The following SMYD3 variants were observed in gnomAD, a reference collection of about 807,000 sequenced individuals.
The protein encoded by SMYD3 is histone-lysine N-methyltransferase SMYD3.
In SMYD3, 36 loss-of-function variants were observed where a neutral mutation model predicts 57.7. The observed-to-expected ratio is 0.62, with a 90% CI of 0.48 to 0.82. The LOEUF is 0.82. Among genes scored for constraint, SMYD3 ranks in the 40% least tolerant of loss-of-function variants. The pLI is 0.00. For missense variants in SMYD3, 515 were observed against 538.8 expected, an observed-to-expected ratio of 0.96 and a Z score of 0.44; for synonymous variants, 211 against 195.0, an observed-to-expected ratio of 1.08 and a Z score of -0.68.
intron 5 of SMYD3, among the ~76,000 whole-genome samples, chr1:246,102,930 G>A (rs2061045097): frequency 6.6e-6 from 1 of 152,036 alleles, no homozygotes; most frequent in South Asian, 2.1e-4. Context: ...TGACATTCAT[G>A]GCCCCACATT....
At chr1:246,378,742 T>TATAATATATTATATATAA (rs2066326009) in intron 1 of SMYD3, among the ~76,000 whole-genome samples, 1 of 102,138 alleles carries the variant, frequency 9.8e-6, no homozygotes, top group African/African-American at 3.9e-5. Context: ...TTATATATAA[T>TATAATATATTATATATAA]TATATATAAT....
rs548310727 is a variant in SMYD3, at chr1:246,440,947, T to C, written c.164+66107A>G. ...TCAGTGCCATGTGTGTAAGACTATA[T>C]ATGCCTACTGCTTGGTTGAAGGCCA... is the stretch of plus-strand genomic sequence containing the variant. On this transcript the variant is annotated intron_variant, in intron 1 of 11. Transcript: ENST00000490107. Among the ~76,000 whole-genome samples the C allele has an allele frequency of 1.8e-4, 28 of 152,284 alleles. No individual in the cohort carries two copies. The East Asian group carries it at 4.8e-3, about 26-fold the overall frequency.
chr1:246,018,416 G>A (rs1258063957), intron 5 of SMYD3, among the ~76,000 whole-genome samples: 2 of 152,200 alleles, frequency 1.3e-5, no homozygotes, highest in African/African-American at 4.8e-5. Flanking sequence ...ACGCTCCACA[G>A]TCAAGGCACT....
intron 8 of SMYD3, among the ~76,000 whole-genome samples, chr1:245,895,563 TC>T (rs2053716711): frequency 6.6e-6 from 1 of 152,210 alleles, no homozygotes; most frequent in Non-Finnish European, 1.5e-5. Flanking sequence ...TCAAATAGAC[TC>T]AGTACCATAA....
intron 11 of SMYD3, among the ~76,000 whole-genome samples, chr1:245,754,685 G>C (rs1050076097): frequency 1.3e-5 from 2 of 152,232 alleles, no homozygotes; most frequent in Non-Finnish European, 2.9e-5. Flanking sequence ...ATAACTTCAA[G>C]TGTGTATTCC....
chr1:246,193,942 A>G (rs750577322), intron 5 of SMYD3, among the ~76,000 whole-genome samples: 6 of 152,166 alleles, frequency 3.9e-5, no homozygotes, highest in Admixed American at 6.5e-5. Flanking sequence ...AGCATTCTAA[A>G]TCATGTTCAC....
chr1:246,048,051 C>T (rs1395234355), intron 5 of SMYD3, among the ~76,000 whole-genome samples: 1 of 151,850 alleles, frequency 6.6e-6, no homozygotes. Context: ...GTTGATGTCA[C>T]AAAGAACACC....
intron 2 of SMYD3, among the ~76,000 whole-genome samples, chr1:246,344,904 C>T (rs1267548881): frequency 2.0e-5 from 3 of 152,092 alleles, no homozygotes; most frequent in African/African-American, 7.2e-5. Context: ...AGTTTTCTTA[C>T]TACTGAATTA....
rs1009756428 is a variant in SMYD3, at chr1:245,929,956, C to A, written c.532-19G>T. On this transcript the variant is annotated intron_variant, in intron 5 of 11. Transcript: ENST00000490107. ...AGATCACCTGTAAACACAAGGGGAA[C>A]CATCAGTATTACTAGAGTCACTTAA... 3 of 1,606,906 alleles carry A rather than the reference C, an allele frequency of 1.9e-6. No homozygotes were observed. The highest frequency in any genetic ancestry group is 1.1e-5 in the South Asian group (1 of 90,922).
At chr1:246,056,025 T>A (rs1369387894) in intron 5 of SMYD3, among the ~76,000 whole-genome samples, 1 of 152,148 alleles carries the variant, frequency 6.6e-6, no homozygotes, top group Non-Finnish European at 1.5e-5. Context: ...TATATATACA[T>A]TTTACTACAA....
chr1:246,473,298 T>C (rs7532077), intron 1 of SMYD3, among the ~76,000 whole-genome samples: 13,766 of 152,238 alleles, frequency 0.09, 2,020 homozygotes, highest in African/African-American at 0.31. Context: ...CTTCAGCAGT[T>C]TGAGTTCAGA....
At chr1:245,762,458 G>A (rs1381118155) in intron 11 of SMYD3, among the ~76,000 whole-genome samples, 3 of 152,114 alleles carry the variant, frequency 2.0e-5, no homozygotes, top group African/African-American at 7.2e-5. Context: ...CACACAGTAG[G>A]CCCTTGATAA....
chr1:246,014,514 G>A lies in SMYD3; in HGVS notation c.532-84577C>T, dbSNP rs372210652. ...ATCCCTGACTCTAGGACTTAGTAGC[G>A]TGGTTAATCACAGCCGCATTATTAA... On this transcript the variant is annotated intron_variant, in intron 5 of 11. Transcript: ENST00000490107. Among the ~76,000 whole-genome samples, 9 of 152,218 alleles carry A rather than the reference G, an allele frequency of 5.9e-5. No individual in the cohort carries two copies. The East Asian group carries it at 7.7e-4, about 13-fold the overall frequency.
chr1:245,865,762 C>T (rs1890814), intron 8 of SMYD3, among the ~76,000 whole-genome samples: 84,534 of 152,140 alleles, frequency 0.56, 26,682 homozygotes, highest in Non-Finnish European at 0.73. Flanking sequence ...AAGAAGCTAA[C>T]AGCCGCATGC....
At chr1:245,816,766 C>T (rs1032770645) in intron 10 of SMYD3, among the ~76,000 whole-genome samples, 27 of 152,112 alleles carry the variant, frequency 1.8e-4, no homozygotes, top group African/African-American at 6.5e-4. Context: ...GTTCCCTTTC[C>T]TAGTCAAAGA....
At chr1:246,154,453 C>T (rs2061990315) in intron 5 of SMYD3, among the ~76,000 whole-genome samples, 1 of 152,118 alleles carries the variant, frequency 6.6e-6, no homozygotes, top group Admixed American at 6.5e-5. Flanking sequence ...AGAAGGATGC[C>T]CAGGACACAC....
chr1:245,970,392 T>C (rs61839382), intron 5 of SMYD3, among the ~76,000 whole-genome samples: 18,705 of 152,142 alleles, frequency 0.12, 1,329 homozygotes, highest in East Asian at 0.23. Context: ...ATTCAGGACA[T>C]AGGCATGGGC....
At chr1:246,395,862 C>A (rs1449600856) in intron 1 of SMYD3, among the ~76,000 whole-genome samples, 2 of 152,232 alleles carry the variant, frequency 1.3e-5, no homozygotes, top group African/African-American at 4.8e-5. Context: ...AGCCCGATCG[C>A]TGCCTCTATG....
chr1:245,782,246 C>T (rs1217408504), intron 10 of SMYD3, among the ~76,000 whole-genome samples: 2 of 152,124 alleles, frequency 1.3e-5, no homozygotes, highest in African/African-American at 4.8e-5. Flanking sequence ...CCAGAGGAGC[C>T]CCTGCAGCCA....
Sources: allele counts gnomAD v4.1 joint callset (sites outside exome capture counted in the v4.1 genomes callset), GRCh38; gene constraint gnomAD v4.1.1; transcripts MANE v1.5; gene names NCBI Gene and HGNC (gene_info 2026-07-23, HGNC 2026-07-21).